The following GRK5 variants were observed in gnomAD, a reference collection of about 807,000 sequenced individuals.
The protein encoded by GRK5 is G protein-coupled receptor kinase 5.
In GRK5, 40 loss-of-function variants were observed where a neutral mutation model predicts 78.4. That is an observed-to-expected ratio of 0.51 (90% confidence interval 0.40 to 0.66). GRK5 has a LOEUF of 0.66. GRK5 is among the 30% of genes least tolerant of loss of function. GRK5 has a pLI of 0.00. For synonymous variants in GRK5, 289 were observed against 296.8 expected (o/e 0.97, Z 0.27); for missense variants, 598 against 759.9 (o/e 0.79, Z 2.50).
intron 2 of GRK5, among the ~76,000 whole-genome samples, chr10:119,348,902 G>T (rs1240341023): frequency 6.6e-6 from 1 of 152,176 alleles, no homozygotes; most frequent in Non-Finnish European, 1.5e-5. Flanking sequence ...GTGGCCAGAC[G>T]ACAGGGCCGC....
chr10:119,385,918 TCGGTCACC>T (rs1851786769), intron 3 of GRK5, among the ~76,000 whole-genome samples: 1 of 151,982 alleles, frequency 6.6e-6, no homozygotes, highest in Non-Finnish European at 1.5e-5. Context: ...AGAGTCTTAC[TCGGTCACC>T]CAGGCTAGAG....
chr10:119,393,061 G>T (rs1851912081), intron 3 of GRK5, among the ~76,000 whole-genome samples: 1 of 152,210 alleles, frequency 6.6e-6, no homozygotes, highest in Admixed American at 6.5e-5. Context: ...ATCCAGGGGA[G>T]CCACCATGGT....
At chr10:119,367,634 A>T (rs1851470251) in intron 2 of GRK5, among the ~76,000 whole-genome samples, 1 of 152,256 alleles carries the variant, frequency 6.6e-6, no homozygotes, top group African/African-American at 2.4e-5. Context: ...TGACAGCCAA[A>T]GGGCAGTATA....
intron 1 of GRK5, among the ~76,000 whole-genome samples, chr10:119,220,358 T>C (rs1848638460): frequency 6.6e-6 from 1 of 152,188 alleles, no homozygotes; most frequent in African/African-American, 2.4e-5. Flanking sequence ...AGCTTAATTC[T>C]CTATAATATA....
rs139653959 is a variant in GRK5, at chr10:119,429,591, C to T, written c.534-784C>T. ...AAAAAGTGCCATCATGCCTCATGAT[C>T]AGAAGTTCTGTCTGATTCAATGTCA... On this transcript the variant is annotated intron_variant, in intron 6 of 15. Transcript: ENST00000392870. Among the ~76,000 whole-genome samples, 320 of 150,718 alleles carry T rather than the reference C, an allele frequency of 2.1e-3. 2 individuals carry two copies. Among genetic ancestry groups the T allele is most frequent in the Non-Finnish European group, 2.2e-3 (151 of 67,806 alleles).
Position 119,457,215 on chromosome 10 carries a change from C to T in GRK5, c.*2148C>T, listed in dbSNP as rs1232881624. 2 of 152,268 alleles carry T rather than the reference C, an allele frequency of 1.3e-5. No homozygotes were observed. Among genetic ancestry groups the T allele is most frequent in the African/African-American group, 4.8e-5 (2 of 41,444 alleles). 9.4% of individuals were successfully genotyped at this position (152,268 alleles called of 1,614,324 possible). Reference sequence around the variant, plus strand: ...CCAGCCCAAGCCACCACCCCAGCCACCCATCCAGGAGGTTGGTTCCTTTTG... The same window carrying T: ...CCAGCCCAAGCCACCACCCCAGCCATCCATCCAGGAGGTTGGTTCCTTTTG... On this transcript the variant is annotated 3_prime_UTR_variant, in exon 16 of 16. Transcript: ENST00000392870.
Position 119,312,286 on chromosome 10 carries a change from G to A in GRK5, c.53-14230G>A, listed in dbSNP as rs1034451185. Among the ~76,000 whole-genome samples, 5 of 152,102 alleles carry A rather than the reference G, an allele frequency of 3.3e-5. No individual in the cohort carries two copies. The East Asian group carries it at 5.8e-4, about 18-fold the overall frequency. On this transcript the variant is annotated intron_variant, in intron 1 of 15. Coordinates refer to ENST00000392870, the MANE Select transcript of GRK5 (RefSeq NM_005308.3). The stretch of plus-strand genomic sequence containing the variant: ...CAATAAATGATTATTTTTTAATGGC[G>A]ATCAGGGTCAGCCTCATGGAGAACG...
intron 1 of GRK5, among the ~76,000 whole-genome samples, chr10:119,281,901 A>G (rs532230095): frequency 9.4e-4 from 143 of 152,162 alleles, no homozygotes; most frequent in Non-Finnish European, 1.8e-3. Flanking sequence ...ATCTCATTGC[A>G]CAGACAACAG....
At chr10:119,335,988 T>C (rs1850879912) in intron 2 of GRK5, 1 of 152,424 alleles carries the variant, frequency 6.6e-6, no homozygotes, top group African/African-American at 2.4e-5. Context: ...AGCATCGTCA[T>C]TGTCATCGTC....
At chr10:119,262,432 A>G (rs1347748349) in intron 1 of GRK5, among the ~76,000 whole-genome samples, 1 of 133,726 alleles carries the variant, frequency 7.5e-6, no homozygotes, top group Non-Finnish European at 1.5e-5. Context: ...TCCGCCTCCC[A>G]GATTCAAGCA....
intron 4 of GRK5, among the ~76,000 whole-genome samples, chr10:119,416,254 C>T (rs1250070403): frequency 6.6e-6 from 1 of 152,246 alleles, no homozygotes; most frequent in Non-Finnish European, 1.5e-5. Flanking sequence ...CCCTTCCTCA[C>T]GTCAGTCATT....
intron 3 of GRK5, among the ~76,000 whole-genome samples, 164 bp from the exon 4 acceptor site, chr10:119,396,531 C>G (rs184145179): frequency 9.9e-5 from 15 of 152,216 alleles, no homozygotes; most frequent in Non-Finnish European, 1.8e-4. Context: ...GACTAAACAT[C>G]GGGGCTCCGT....
At chr10:119,233,876 T>G (rs1299284809) in intron 1 of GRK5, among the ~76,000 whole-genome samples, 1 of 152,164 alleles carries the variant, frequency 6.6e-6, no homozygotes. Context: ...AGACTCCAAC[T>G]GTAGCAAAGA....
intron 1 of GRK5, among the ~76,000 whole-genome samples, chr10:119,265,816 A>C (rs1849486724): frequency 6.6e-6 from 1 of 152,246 alleles, no homozygotes; most frequent in Non-Finnish European, 1.5e-5. Flanking sequence ...GTTCTTGTCC[A>C]GAACCACTGG....
chr10:119,285,387 G>A (rs141406752), intron 1 of GRK5, among the ~76,000 whole-genome samples: 2,159 of 152,328 alleles, frequency 0.014, 17 homozygotes, highest in Admixed American at 0.024. Flanking sequence ...CCCAAGGCTC[G>A]ATTCCTGGGT....
chr10:119,413,460 G>A (rs1852384049), intron 4 of GRK5, among the ~76,000 whole-genome samples: 1 of 151,662 alleles, frequency 6.6e-6, no homozygotes, highest in South Asian at 2.1e-4. Flanking sequence ...CACCTACTAT[G>A]TGCCAGGAAC....
chr10:119,249,420 A>T (rs1042343557), intron 1 of GRK5, among the ~76,000 whole-genome samples: 1 of 152,224 alleles, frequency 6.6e-6, no homozygotes, highest in Non-Finnish European at 1.5e-5. Flanking sequence ...ATATCAAATA[A>T]ATATTATGTG....
At chr10:119,347,701 C>T (rs1204325904) in intron 2 of GRK5, among the ~76,000 whole-genome samples, 1 of 152,272 alleles carries the variant, frequency 6.6e-6, no homozygotes, top group African/African-American at 2.4e-5. Flanking sequence ...GGGCCTTAAG[C>T]CAGGCCTGGT....
At chr10:119,282,565 G>A (rs141231924) in intron 1 of GRK5, among the ~76,000 whole-genome samples, 2 of 152,316 alleles carry the variant, frequency 1.3e-5, no homozygotes, top group East Asian at 1.9e-4. Flanking sequence ...CGTGTGCTGC[G>A]GCCCTGGATG....
Sources: allele counts gnomAD v4.1 joint callset (sites outside exome capture counted in the v4.1 genomes callset), GRCh38; gene constraint gnomAD v4.1.1; transcripts MANE v1.5; gene names NCBI Gene and HGNC (gene_info 2026-07-23, HGNC 2026-07-21).